The following ANO3 variants were observed in gnomAD, a reference collection of about 807,000 sequenced individuals.
The protein encoded by ANO3 is anoctamin 3.
ANO3 carries 99 observed loss-of-function variants against 144.8 expected under a neutral mutation model. That is an observed-to-expected ratio of 0.68 (90% CI 0.58 to 0.81). The LOEUF (loss-of-function observed/expected upper bound fraction) is 0.81, where lower values mean the gene tolerates loss of function less well. ANO3 is among the 30% of genes least tolerant of loss of function. The pLI, the probability that ANO3 is intolerant of heterozygous loss-of-function variation, is 0.00. For synonymous variants in ANO3, 414 were observed against 392.6 expected, an observed-to-expected ratio of 1.05 and a Z score of -0.64; for missense variants, 905 against 1,202.2, an observed-to-expected ratio of 0.75 and a Z score of 3.66.
At chr11:26,409,468 TTC>T (rs1857377638) in intron 1 of ANO3, among the ~76,000 whole-genome samples, 1 of 151,960 alleles carries the variant, frequency 6.6e-6, no homozygotes, top group South Asian at 2.1e-4. Context: ...AATTGTTTTT[TTC>T]TACCTCCAGT....
At chr11:26,580,279 G>A (rs767868392) in intron 14 of ANO3, among the ~76,000 whole-genome samples, 1 of 152,050 alleles carries the variant, frequency 6.6e-6, no homozygotes. Context: ...GAATATAAAA[G>A]TAATTCAGTC....
chr11:26,226,331 A>T (rs1449146617), intron 1 of ANO3, among the ~76,000 whole-genome samples: 2 of 152,124 alleles, frequency 1.3e-5, no homozygotes, highest in African/African-American at 4.8e-5. Context: ...TGAAAAAAAA[A>T]ATAAACTATT....
At chr11:26,516,971 A>C in intron 6 of ANO3, 44 bp downstream of exon 6, 1 of 1,218,754 alleles carries the variant, frequency 8.2e-7, no homozygotes, top group South Asian at 1.3e-5. Flanking sequence ...ATATATTAAA[A>C]TGAGTCTATC....
intron 15 of ANO3, 30 bp from the exon 16 acceptor site, chr11:26,598,828 A>T: frequency 6.2e-7 from 1 of 1,601,630 alleles, no homozygotes; most frequent in African/African-American, 1.3e-5. Context: ...TATGGCTTTG[A>T]TATTTAGATA....
At chr11:26,560,827 T>C (rs1850258499) in intron 14 of ANO3, 1 of 375,704 alleles carries the variant, frequency 2.7e-6, no homozygotes, top group Admixed American at 4.8e-5. Flanking sequence ...AAGAAAATAC[T>C]ACTAAAATAC....
At chr11:26,289,186 C>T (rs1449089134) in intron 1 of ANO3, among the ~76,000 whole-genome samples, 1 of 151,438 alleles carries the variant, frequency 6.6e-6, no homozygotes, top group African/African-American at 2.4e-5. Context: ...TTTATAATGA[C>T]AGGCAAAAAA....
rs539567293 is a variant in ANO3 at position 26,539,729 on chromosome 11, C to T, written c.1033-2218C>T. ...ATATTCTGATGAGCTTTGCACTTTTCAAGAGCCACAATATATCAAATGCGT... is the reference window on the plus strand; with the variant it reads ...ATATTCTGATGAGCTTTGCACTTTTTAAGAGCCACAATATATCAAATGCGT... On this transcript the variant is annotated intron_variant, in intron 10 of 26. Transcript: ENST00000256737. 2.0e-4 allele frequency among the ~76,000 whole-genome samples: 30 copies of T among 152,256 alleles called. 1 individual carries two copies. The South Asian group carries it at 6.2e-3, about 32-fold the overall frequency.
intron 8 of ANO3, among the ~76,000 whole-genome samples, chr11:26,533,809 G>C (rs779054910): frequency 6.6e-6 from 1 of 152,180 alleles, no homozygotes; most frequent in Non-Finnish European, 1.5e-5. Flanking sequence ...TCAGGACTAC[G>C]TGCTTGACAC....
At chr11:26,569,527 G>A (rs1365881365) in intron 14 of ANO3, among the ~76,000 whole-genome samples, 8 of 151,980 alleles carry the variant, frequency 5.3e-5, no homozygotes, top group East Asian at 1.9e-4. Flanking sequence ...GAAGTCATCC[G>A]TTATTCAGAA....
intron 14 of ANO3, among the ~76,000 whole-genome samples, chr11:26,590,789 G>A (rs1391627588): frequency 6.6e-6 from 1 of 152,210 alleles, no homozygotes. Flanking sequence ...CCGGAGGGGT[G>A]GAAGTCAGTG....
At chr11:26,599,451 C>T in intron 16 of ANO3, 99 bp from the exon 17 acceptor site, 1 of 1,207,374 alleles carries the variant, frequency 8.3e-7, no homozygotes, top group Non-Finnish European at 1.2e-6. Flanking sequence ...AAGGTAAATA[C>T]CTTCAATTCT....
chr11:26,244,015 G>T (rs1852724340), intron 1 of ANO3, among the ~76,000 whole-genome samples: 1 of 151,434 alleles, frequency 6.6e-6, no homozygotes, highest in Non-Finnish European at 1.5e-5. Context: ...TACTCAACAG[G>T]CTGAGGCAGG....
chr11:26,596,408 T>C (rs1218158479), intron 14 of ANO3, among the ~76,000 whole-genome samples: 1 of 152,160 alleles, frequency 6.6e-6, no homozygotes, highest in African/African-American at 2.4e-5. Flanking sequence ...ATCTATTATG[T>C]TGTTGTAGAC....
chr11:26,388,148 C>G (rs1236945080), intron 1 of ANO3, among the ~76,000 whole-genome samples: 2 of 149,744 alleles, frequency 1.3e-5, no homozygotes, highest in South Asian at 4.2e-4. Context: ...TTTTTATCAA[C>G]TTTGTATTTT....
At chr11:26,257,617 A>G (rs542723010) in intron 1 of ANO3, among the ~76,000 whole-genome samples, 69 of 152,284 alleles carry the variant, frequency 4.5e-4, no homozygotes, top group African/African-American at 1.6e-3. Context: ...ATTTTAAAGT[A>G]CCATAAAATG....
chr11:26,589,953 C>T (rs1367321347), intron 14 of ANO3, among the ~76,000 whole-genome samples: 1 of 152,284 alleles, frequency 6.6e-6, no homozygotes, highest in Non-Finnish European at 1.5e-5. Flanking sequence ...CCAGTTTTCA[C>T]CACACACAGA....
intron 2 of ANO3, 90 bp from the exon 3 acceptor site, chr11:26,443,675 G>A: frequency 3.4e-6 from 2 of 596,588 alleles, no homozygotes; most frequent in Non-Finnish European, 5.8e-6. Flanking sequence ...CATCATGTTT[G>A]GCCATCATTT....
chr11:26,256,032 G>A (rs1479823564), intron 1 of ANO3, among the ~76,000 whole-genome samples: 1 of 152,080 alleles, frequency 6.6e-6, no homozygotes, highest in East Asian at 1.9e-4. Flanking sequence ...ATCAATATGA[G>A]GAGAAGGGAA....
intron 17 of ANO3, among the ~76,000 whole-genome samples, chr11:26,609,775 A>C (rs1852041501): frequency 6.6e-6 from 1 of 152,198 alleles, no homozygotes; most frequent in Non-Finnish European, 1.5e-5. Flanking sequence ...TTGATGGATC[A>C]TATAGTAATT....
Sources: allele counts gnomAD v4.1 joint callset (sites outside exome capture counted in the v4.1 genomes callset), GRCh38; gene constraint gnomAD v4.1.1; transcripts MANE v1.5; gene names NCBI Gene and HGNC (gene_info 2026-07-23, HGNC 2026-07-21).